FAM13B: variants seen among roughly 807,000 people sequenced by gnomAD.
The protein encoded by FAM13B is protein FAM13B.
In FAM13B, 60 loss-of-function variants were observed where a neutral mutation model predicts 117.3. The observed-to-expected ratio is 0.51, with a 90% CI of 0.42 to 0.63. The LOEUF (loss-of-function observed/expected upper bound fraction) is 0.63. FAM13B is among the 30% of genes least tolerant of loss of function. The pLI is 0.00. For missense variants in FAM13B, 972 were observed against 1,091.9 expected, an observed-to-expected ratio of 0.89 and a Z score of 1.55; for synonymous variants, 332 against 356.1, an observed-to-expected ratio of 0.93 and a Z score of 0.76.
intron 1 of FAM13B, among the ~76,000 whole-genome samples, chr5:138,042,374 G>C (rs1412320988): frequency 6.6e-6 from 1 of 152,136 alleles, no homozygotes; most frequent in African/African-American, 2.4e-5. Flanking sequence ...CAATAATAAG[G>C]AGGGGTCATG....
chr5:138,043,425 C>CA (rs1554084710), intron 1 of FAM13B, among the ~76,000 whole-genome samples: 1 of 149,742 alleles, frequency 6.7e-6, no homozygotes, highest in Non-Finnish European at 1.5e-5. Context: ...GGGCATTATT[C>CA]TTTTTTTTCT....
intron 4 of FAM13B, among the ~76,000 whole-genome samples, chr5:138,014,592 G>C (rs1319003464): frequency 2.0e-5 from 3 of 152,288 alleles, no homozygotes; most frequent in Non-Finnish European, 4.4e-5. Context: ...TGCTGATCTA[G>C]AGCACTGCCT....
At chr5:138,024,920 G>C (rs1787877733) in intron 1 of FAM13B, among the ~76,000 whole-genome samples, 1 of 151,582 alleles carries the variant, frequency 6.6e-6, no homozygotes, top group South Asian at 2.1e-4. Flanking sequence ...ACCCAGGCTA[G>C]AGTGCAGTGG....
At chr5:138,050,469 A>G (rs191772340) in intron 1 of FAM13B, among the ~76,000 whole-genome samples, 1 of 152,018 alleles carries the variant, frequency 6.6e-6, no homozygotes, top group East Asian at 1.9e-4. Context: ...AAACAAACAG[A>G]CAAAACATCT....
At chr5:137,946,099 T>C in intron 19 of FAM13B, 102 bp from the exon 20 acceptor site, 2 of 1,251,820 alleles carry the variant, frequency 1.6e-6, no homozygotes, top group Non-Finnish European at 2.3e-6. Flanking sequence ...TTATATTAAA[T>C]ACATAGGCAA....
intron 10 of FAM13B, among the ~76,000 whole-genome samples, chr5:137,984,504 C>A (rs777104980): frequency 8.5e-5 from 13 of 152,148 alleles, no homozygotes; most frequent in Non-Finnish European, 1.8e-4. Context: ...TTACTCACTT[C>A]CCCCGAGTAT....
At chr5:138,016,642 C>T (rs1425319130) in intron 4 of FAM13B, among the ~76,000 whole-genome samples, 1 of 152,028 alleles carries the variant, frequency 6.6e-6, no homozygotes, top group Non-Finnish European at 1.5e-5. Flanking sequence ...AAAAAAACAA[C>T]AACAACGAAT....
chr5:137,964,364 A>G (rs1294213232), intron 10 of FAM13B, among the ~76,000 whole-genome samples: 1 of 151,872 alleles, frequency 6.6e-6, no homozygotes, highest in African/African-American at 2.4e-5. Flanking sequence ...ATCTGTCTTC[A>G]GCCTCCCAAA....
chr5:138,051,977 C>CAA (rs143365657), upstream of FAM13B: 1 of 152,030 alleles, frequency 6.6e-6, no homozygotes, highest in African/African-American at 2.4e-5. Context: ...TGAAAACTGC[C>CAA]AAAAAAGTCT....
chr5:137,943,841 A>G (rs554845062), intron 20 of FAM13B, among the ~76,000 whole-genome samples: 8 of 152,342 alleles, frequency 5.3e-5, no homozygotes, highest in Non-Finnish European at 8.8e-5. Flanking sequence ...TTTGAGGACC[A>G]TTCTATACTC....
In FAM13B at chr5:137,939,774, G is replaced by C; in HGVS notation, c.*451C>G. On this transcript the variant is annotated 3_prime_UTR_variant, in exon 24 of 24. Transcript: ENST00000689681. ...ACAGTTGCGTATGTGCACTTTTATA[G>C]GCTTTTCTTTCAAATTTTCAGTCAT... 9.9e-7 allele frequency: 1 copy of C among 1,005,302 alleles called. No individual in the cohort carries two copies. 62.3% of individuals were successfully genotyped at this position (1,005,302 alleles called of 1,614,324 possible). A position where few individuals can be genotyped will look rare whatever the true frequency, so the allele number is the denominator to read the frequency against.
Position 137,985,401 on chromosome 5 carries a change from G to C in FAM13B, c.1047-12C>G. ...CAGCAATATCAATCCTAGGGATGAA[G>C]TTTAAAAATCAGATCAGGCCAAATG... On this transcript the variant is annotated splice_polypyrimidine_tract_variant and intron_variant, in intron 9 of 23. Transcript: ENST00000689681. 6.2e-7 allele frequency: 1 copy of C among 1,612,098 alleles called. No individual in the cohort carries two copies. Among genetic ancestry groups the C allele is most frequent in the Non-Finnish European group, 8.5e-7 (1 of 1,179,282 alleles).
intron 10 of FAM13B, among the ~76,000 whole-genome samples, chr5:137,970,711 A>G (rs1389546239): frequency 6.6e-6 from 1 of 152,214 alleles, no homozygotes; most frequent in Non-Finnish European, 1.5e-5. Flanking sequence ...GTATTCAGGA[A>G]ACCCATCTCA....
chr5:137,961,139 T>C (rs1296276644), intron 11 of FAM13B, among the ~76,000 whole-genome samples: 2 of 152,180 alleles, frequency 1.3e-5, no homozygotes, highest in Non-Finnish European at 2.9e-5. Context: ...TAGGAGCAAA[T>C]GGTAGGATGA....
At chr5:138,000,817 G>A (rs1301607189) in intron 7 of FAM13B, among the ~76,000 whole-genome samples, 1 of 151,840 alleles carries the variant, frequency 6.6e-6, no homozygotes, top group Non-Finnish European at 1.5e-5. Context: ...TGTGGACCCA[G>A]CTACTTGGGT....
chr5:138,011,090 C>G lies in FAM13B; in HGVS notation c.608G>C (p.Gly203Ala). The change falls in exon 6 of 24, where the codon GGA (glycine) becomes GCA (alanine). Residue 203 changes from glycine to alanine, a missense_variant. Coordinates refer to ENST00000689681, the MANE Select transcript of FAM13B (RefSeq NM_001385994.1). ...EQEIVSRIMA[G>A]LLENYYEFFE... ...AAACTCATAGTAGTTTTCCAGAAGTCCAGCCATTATCCTGCTCACTATTTC... is the reference window on the plus strand; with the variant it reads ...AAACTCATAGTAGTTTTCCAGAAGTGCAGCCATTATCCTGCTCACTATTTC... 1.2e-6 allele frequency: 2 copies of G among 1,609,042 alleles called. No homozygotes were observed. The highest frequency in any genetic ancestry group is 8.5e-7 in the Non-Finnish European group (1 of 1,179,072).
chr5:138,010,742 T>C (rs1355239307), intron 6 of FAM13B, among the ~76,000 whole-genome samples: 1 of 151,980 alleles, frequency 6.6e-6, no homozygotes, highest in Non-Finnish European at 1.5e-5. Context: ...CCTTACAAAA[T>C]AAACAATAGG....
intron 1 of FAM13B, among the ~76,000 whole-genome samples, chr5:138,040,951 C>T (rs1035891862): frequency 1.3e-4 from 20 of 151,558 alleles, no homozygotes; most frequent in South Asian, 8.3e-4. Context: ...GTAATCCCAG[C>T]TACTCGAGAG....
chr5:137,956,758 G>GC (rs1554117331), intron 13 of FAM13B, among the ~76,000 whole-genome samples: 1 of 90,766 alleles, frequency 1.1e-5, no homozygotes, highest in African/African-American at 4.7e-5. Context: ...ATGCAAAAAA[G>GC]GGGGGGGAAA....
Sources: allele counts gnomAD v4.1 joint callset (sites outside exome capture counted in the v4.1 genomes callset), GRCh38; gene constraint gnomAD v4.1.1; transcripts MANE v1.5; gene names NCBI Gene and HGNC (gene_info 2026-07-23, HGNC 2026-07-21).